The following EHHADH variants were observed in gnomAD, a reference collection of about 807,000 sequenced individuals.
EHHADH encodes peroxisomal bifunctional enzyme.
In EHHADH, 48 loss-of-function variants were observed where a neutral mutation model predicts 64.4. The observed-to-expected ratio is 0.75, with a 90% CI of 0.59 to 0.95. EHHADH has a LOEUF of 0.95. EHHADH is among the 40% of genes least tolerant of loss of function. The probability of loss-of-function intolerance (pLI) is 0.00; values close to 1 mark genes in which losing one functional copy is unlikely to be tolerated. For missense variants in EHHADH, 854 were observed against 876.6 expected (o/e 0.97, Z 0.33); for synonymous variants, 308 against 326.7 (o/e 0.94, Z 0.62).
At chr3:185,235,232 A>C (rs1719255757) in intron 3 of EHHADH, 58 bp downstream of exon 3, 3 of 1,455,682 alleles carry the variant, frequency 2.1e-6, no homozygotes, top group African/African-American at 2.9e-5. Flanking sequence ...CTACATTTAG[A>C]GTTTGCCCTA....
rs945544963 is a variant in EHHADH at position 185,192,938 on chromosome 3, G to A, written c.1460C>T (p.Pro487Leu). The A allele has an allele frequency of 6.2e-7, 1 of 1,614,158 alleles. No homozygotes were observed. The highest frequency in any genetic ancestry group is 8.5e-7 in the Non-Finnish European group (1 of 1,180,024). Residue 487 changes from proline (P) to leucine (L), a missense_variant, in exon 7 of 7, where the codon CCT becomes CTT. By Grantham distance (98) the Pro-to-Leu change is moderately conservative. Coordinates refer to ENST00000231887, the MANE Select transcript of EHHADH (RefSeq NM_001966.4). Reference sequence around the variant, plus strand: ...CAAGAAATATGCCTGATTGTAGTAAGGATTCAACATTCGATTCCCCACAAA... The same window carrying A: ...CAAGAAATATGCCTGATTGTAGTAAAGATTCAACATTCGATTCCCCACAAA... The part of the protein sequence containing the change: ...FGFVGNRMLN[P>L]YYNQAYFLLE...
At chr3:185,253,841 T>C (rs1001403516) in intron 1 of EHHADH, 108 bp downstream of exon 1, 4 of 1,510,812 alleles carry the variant, frequency 2.6e-6, no homozygotes, top group Admixed American at 2.2e-5. Flanking sequence ...GCTCAACTCT[T>C]GAGTGTCCTT....
intron 3 of EHHADH, among the ~76,000 whole-genome samples, chr3:185,234,039 T>C (rs1188344629): frequency 2.6e-5 from 4 of 152,236 alleles, no homozygotes; most frequent in Admixed American, 6.5e-5. Context: ...AGAATGTTAA[T>C]AGTGGTTATT....
In EHHADH at chr3:185,216,719, A is replaced by C. The variant is rs1718688758; in HGVS notation, c.568+1417T>G. ...AAAGTGTTTGGTCTCTGCCAAGGTC[A>C]ACAAAAGAATGACTCCTTCAAAAGA... is the stretch of plus-strand genomic sequence containing the variant. On this transcript the variant is annotated intron_variant, in intron 5 of 6. Transcript: ENST00000231887. The surrounding 1 kb of genome is among the most constrained non-coding windows in gnomAD (Gnocchi z 5.3). Among the ~76,000 whole-genome samples the C allele has an allele frequency of 6.6e-6, 1 of 152,212 alleles. No individual in the cohort carries two copies. Among genetic ancestry groups the C allele is most frequent in the African/African-American group, 2.4e-5 (1 of 41,458 alleles).
At chr3:185,197,475 C>A (rs1718096346) in intron 6 of EHHADH, among the ~76,000 whole-genome samples, 1 of 152,160 alleles carries the variant, frequency 6.6e-6, no homozygotes, top group Non-Finnish European at 1.5e-5. Context: ...CCAACCCTGG[C>A]CAACCATTCT....
intron 5 of EHHADH, among the ~76,000 whole-genome samples, chr3:185,217,645 TAAAAGCTCTGAGACCTCACCA>T (rs1718720259): frequency 1.3e-5 from 2 of 151,532 alleles, no homozygotes; most frequent in African/African-American, 4.8e-5. Flanking sequence ...CAACCACGGG[TAAAAGCTCTGAGACCTCACCA>T]GAAGCTGAGC....
rs577275762 is a variant in EHHADH, at chr3:185,199,932, C to T, written c.910+4484G>A. ...GCTCTATGGCTGTTTTTGTGCACAA[C>T]GGTAGACGTGGGTAGTTGCAACAGA... On this transcript the variant is annotated intron_variant, in intron 6 of 6. Transcript: ENST00000231887. Among the ~76,000 whole-genome samples the T allele has an allele frequency of 3.9e-5, 6 of 152,152 alleles. No individual in the cohort carries two copies. In the East Asian group the frequency reaches 1.2e-3, roughly 29 times the overall value.
intron 5 of EHHADH, among the ~76,000 whole-genome samples, chr3:185,213,356 C>T (rs1718600808): frequency 6.6e-6 from 1 of 151,878 alleles, no homozygotes; most frequent in African/African-American, 2.4e-5. Flanking sequence ...TGAGTGGGGC[C>T]CTGCTAACCG....
rs1717846600 is a variant in EHHADH, at chr3:185,190,945, A to G, written c.*1281T>C. On this transcript the variant is annotated 3_prime_UTR_variant, in exon 7 of 7. Transcript: ENST00000231887. Reference sequence around the variant, plus strand: ...TTTATTGAGATATAATTCACATACCATATAATTCACCCACTTAAAATATAC... The same window carrying G: ...TTTATTGAGATATAATTCACATACCGTATAATTCACCCACTTAAAATATAC... The G allele has an allele frequency of 6.6e-6, 1 of 152,234 alleles. No homozygotes were observed. The allele number at this position is 152,234 out of a possible 1,614,324, so 9.4% of individuals were successfully genotyped here.
intron 6 of EHHADH, among the ~76,000 whole-genome samples, chr3:185,202,317 T>C (rs1051452316): frequency 2.2e-5 from 3 of 135,600 alleles, no homozygotes; most frequent in Non-Finnish European, 4.6e-5. Flanking sequence ...CCAGCCTGGG[T>C]GACAGAGCGA....
rs1719230444 is a variant in EHHADH at position 185,234,553 on chromosome 3, AT to A, written c.351+736del. ...TAGGGCTAAGGTTAAGGGAAACAAGATCATAGAGAGGCCCTAGGGCTAAGGT... is the reference window on the plus strand; with the variant it reads ...TAGGGCTAAGGTTAAGGGAAACAAGACATAGAGAGGCCCTAGGGCTAAGGT... On this transcript the variant is annotated intron_variant, in intron 3 of 6. Coordinates refer to ENST00000231887, the MANE Select transcript of EHHADH (RefSeq NM_001966.4). Among the ~76,000 whole-genome samples, 2 of 139,564 alleles carry A rather than the reference AT, an allele frequency of 1.4e-5. 1 individual carries two copies. Among genetic ancestry groups the A allele is most frequent in the African/African-American group, 5.3e-5 (2 of 37,558 alleles). The allele number at this position is 139,564 out of a possible 152,430, so 91.6% of individuals were successfully genotyped here.
At chr3:185,204,838 C>T in intron 5 of EHHADH, 81 bp from the exon 6 acceptor site, 1 of 1,208,690 alleles carries the variant, frequency 8.3e-7, no homozygotes, top group Admixed American at 2.4e-5. Flanking sequence ...TAACAATAAC[C>T]TGTTCAAATT....
At chr3:185,199,410 T>A (rs1017663442) in intron 6 of EHHADH, among the ~76,000 whole-genome samples, 1 of 152,064 alleles carries the variant, frequency 6.6e-6, no homozygotes, top group Non-Finnish European at 1.5e-5. Context: ...AAATGTGGGT[T>A]CTTGGATTGG....
At chr3:185,238,127 G>C (rs1560019991) in intron 2 of EHHADH, among the ~76,000 whole-genome samples, 1 of 152,080 alleles carries the variant, frequency 6.6e-6, no homozygotes, top group Admixed American at 6.6e-5. Flanking sequence ...TGGTTGTGTA[G>C]TATACTATGG....
intron 6 of EHHADH, among the ~76,000 whole-genome samples, chr3:185,197,678 T>C (rs917028037): frequency 6.6e-6 from 1 of 152,252 alleles, no homozygotes; most frequent in East Asian, 1.9e-4. Context: ...TACCAAATTT[T>C]ATTTACCCAT....
chr3:185,252,112 A>G (rs1438186808), intron 1 of EHHADH, among the ~76,000 whole-genome samples: 2 of 152,050 alleles, frequency 1.3e-5, no homozygotes, highest in African/African-American at 4.8e-5. Flanking sequence ...ATTAAAAGCA[A>G]TTGTCAGAGG....
chr3:185,245,493 G>C, intron 2 of EHHADH: 1 of 1,056,412 alleles, frequency 9.5e-7, no homozygotes, highest in African/African-American at 1.6e-5. Flanking sequence ...GTGCTCGCTT[G>C]CCCATGACAG....
chr3:185,240,340 T>C (rs146128072), intron 2 of EHHADH, among the ~76,000 whole-genome samples: 1 of 152,056 alleles, frequency 6.6e-6, no homozygotes, highest in East Asian at 1.9e-4. Context: ...TTCAGGAAGA[T>C]TGGTACCAGC....
intron 5 of EHHADH, among the ~76,000 whole-genome samples, chr3:185,210,417 T>C (rs1168509714): frequency 6.6e-6 from 1 of 151,878 alleles, no homozygotes; most frequent in African/African-American, 2.4e-5. Context: ...AGGTGGATCA[T>C]GAGGTCAGCA....
Sources: allele counts gnomAD v4.1 joint callset (sites outside exome capture counted in the v4.1 genomes callset), GRCh38; gene constraint gnomAD v4.1.1; non-coding constraint Gnocchi (gnomAD v3.1); transcripts MANE v1.5; gene names NCBI Gene and HGNC (gene_info 2026-07-23, HGNC 2026-07-21).